The following TANGO6 variants were observed in gnomAD, a reference collection of about 807,000 sequenced individuals.
TANGO6 encodes transport and Golgi organization protein 6 homolog.
A neutral mutation model predicts 114.2 loss-of-function variants in TANGO6; 90 were observed. That is an observed-to-expected ratio of 0.79 (90% confidence interval 0.66 to 0.94). The LOEUF is 0.94. TANGO6 is among the 40% of genes least tolerant of loss of function. TANGO6 has a pLI of 0.00. For missense variants in TANGO6, 1,274 were observed against 1,315.3 expected (o/e 0.97, Z 0.49); for synonymous variants, 477 against 509.8 (o/e 0.94, Z 0.87).
At chr16:68,891,035 G>C (rs1326869286) in intron 7 of TANGO6, among the ~76,000 whole-genome samples, 1 of 131,618 alleles carries the variant, frequency 7.6e-6, no homozygotes, top group Non-Finnish European at 1.6e-5. Context: ...AAAAAAAAAA[G>C]AAAAAAAAGA....
In TANGO6 at chr16:68,974,088, A is replaced by G. The variant is rs768203214; in HGVS notation, c.2762A>G (p.Tyr921Cys). The change falls in exon 15 of 18, where the codon TAT becomes TGT. Residue 921 changes from tyrosine to cysteine, a missense_variant. By Grantham distance (194) the Tyr-to-Cys change is radical. Coordinates refer to ENST00000261778, the MANE Select transcript of TANGO6 (RefSeq NM_024562.2). ...ATCTTGCCGGACTTGTTGGCTCAATATGACAGCAGCAAAGACAAGCACACA... is the reference window on the plus strand; with the variant it reads ...ATCTTGCCGGACTTGTTGGCTCAATGTGACAGCAGCAAAGACAAGCACACA... Reference protein sequence around the residue: ...EKILPDLLAQYDSSKDKHTPE... With the variant: ...EKILPDLLAQCDSSKDKHTPE... 3.7e-6 allele frequency: 6 copies of G among 1,613,832 alleles called. No homozygotes were observed. Among genetic ancestry groups the G allele is most frequent in the Non-Finnish European group, 5.1e-6 (6 of 1,179,822 alleles).
chr16:69,064,907 C>T (rs1015604078), intron 17 of TANGO6, among the ~76,000 whole-genome samples: 8 of 152,164 alleles, frequency 5.3e-5, no homozygotes, highest in African/African-American at 1.7e-4. Context: ...GTGGTGCCCT[C>T]AGCGGGGTGT....
At chr16:68,883,004 C>T (rs894496539) in intron 7 of TANGO6, among the ~76,000 whole-genome samples, 5 of 151,900 alleles carry the variant, frequency 3.3e-5, no homozygotes, top group Non-Finnish European at 7.4e-5. Context: ...GAAAACAGAG[C>T]GAGACTCTGT....
intron 12 of TANGO6, among the ~76,000 whole-genome samples, chr16:68,926,258 C>G (rs926995226): frequency 5.9e-5 from 9 of 152,136 alleles, no homozygotes; most frequent in Admixed American, 3.3e-4. Context: ...CTTTGGAAGG[C>G]CAAGGTGGGC....
chr16:68,887,203 A>C (rs1962551251), intron 7 of TANGO6, among the ~76,000 whole-genome samples: 2 of 152,146 alleles, frequency 1.3e-5, no homozygotes, highest in South Asian at 4.2e-4. Context: ...CTTTCTTTGG[A>C]GTGTGGGTCT....
chr16:69,051,962 T>C (rs1348047320), intron 17 of TANGO6, among the ~76,000 whole-genome samples: 5 of 149,592 alleles, frequency 3.3e-5, no homozygotes, highest in Non-Finnish European at 7.4e-5. Context: ...TTTTTTTTTT[T>C]AGACACAGTC....
At chr16:68,975,672 C>T (rs1963758876) in intron 15 of TANGO6, among the ~76,000 whole-genome samples, 1 of 151,872 alleles carries the variant, frequency 6.6e-6, no homozygotes, top group Non-Finnish European at 1.5e-5. Flanking sequence ...ATCCTCCCTC[C>T]TCAGCCTCCC....
intron 17 of TANGO6, among the ~76,000 whole-genome samples, chr16:69,065,813 T>C (rs1020711540): frequency 5.9e-5 from 9 of 152,188 alleles, no homozygotes; most frequent in African/African-American, 2.2e-4. Context: ...CAGGTTTGAA[T>C]TGGCCCTAAT....
intron 14 of TANGO6, among the ~76,000 whole-genome samples, chr16:68,944,530 A>G (rs772346412): frequency 6.6e-6 from 1 of 152,076 alleles, no homozygotes; most frequent in Non-Finnish European, 1.5e-5. Context: ...CCCCCTCCAA[A>G]TAAGAGGAGG....
intron 14 of TANGO6, among the ~76,000 whole-genome samples, chr16:68,946,436 C>T (rs775583336): frequency 2.0e-5 from 3 of 152,124 alleles, no homozygotes; most frequent in South Asian, 2.1e-4. Flanking sequence ...CCTCGTGATC[C>T]GCCCACCTCG....
At chr16:68,913,441 C>T (rs1044112203) in intron 11 of TANGO6, among the ~76,000 whole-genome samples, 1 of 138,946 alleles carries the variant, frequency 7.2e-6, no homozygotes, top group Non-Finnish European at 1.5e-5. Context: ...CAGAGTCTCA[C>T]TCTGTCGCCC....
At chr16:68,863,390 CTGAGG>C (rs1962129593) in intron 3 of TANGO6, among the ~76,000 whole-genome samples, 1 of 152,008 alleles carries the variant, frequency 6.6e-6, no homozygotes, top group Non-Finnish European at 1.5e-5. Flanking sequence ...GGCGGATCAC[CTGAGG>C]TCGTGAGTTC....
intron 17 of TANGO6, among the ~76,000 whole-genome samples, chr16:69,063,069 A>C (rs1179077588): frequency 6.6e-6 from 1 of 152,030 alleles, no homozygotes; most frequent in African/African-American, 2.4e-5. Context: ...CTCTACTAAA[A>C]ATACAAAAAT....
chr16:69,045,443 CA>C (rs1389960740), intron 17 of TANGO6, among the ~76,000 whole-genome samples: 113 of 53,994 alleles, frequency 2.1e-3, no homozygotes, highest in Non-Finnish European at 2.4e-3. Flanking sequence ...GACTCCATCT[CA>C]AAAAAAAAAA....
At chr16:68,876,065 A>G (rs1475947031) in intron 5 of TANGO6, among the ~76,000 whole-genome samples, 2 of 152,194 alleles carry the variant, frequency 1.3e-5, no homozygotes, top group Non-Finnish European at 2.9e-5. Flanking sequence ...TATTATGCAT[A>G]TACCATCATA....
At chr16:68,849,263 G>A (rs964452897) in intron 1 of TANGO6, among the ~76,000 whole-genome samples, 1 of 152,190 alleles carries the variant, frequency 6.6e-6, no homozygotes, top group African/African-American at 2.4e-5. Context: ...GAGCCCCTGA[G>A]GCGGAGGTGG....
chr16:69,043,451 C>T (rs1959805111), intron 17 of TANGO6, among the ~76,000 whole-genome samples: 1 of 152,080 alleles, frequency 6.6e-6, no homozygotes, highest in Non-Finnish European at 1.5e-5. Flanking sequence ...AATTTGTGGC[C>T]ATGGAAGATT....
intron 17 of TANGO6, among the ~76,000 whole-genome samples, chr16:69,047,388 G>A (rs535659416): frequency 1.3e-5 from 2 of 151,700 alleles, no homozygotes; most frequent in Admixed American, 6.6e-5. Context: ...CTAGCTCCTC[G>A]GGAGGCTGAG....
chr16:68,928,850 GTT>G (rs1567542346), intron 13 of TANGO6, among the ~76,000 whole-genome samples: 1 of 152,176 alleles, frequency 6.6e-6, no homozygotes. Context: ...TTAGTGGGGC[GTT>G]GGGCAAAACT....
Sources: gnomAD v4.1 joint callset for allele counts (sites outside exome capture counted in the v4.1 genomes callset) on GRCh38, gnomAD v4.1.1 for gene constraint, MANE v1.5 for transcripts, NCBI Gene and HGNC (gene_info 2026-07-23, HGNC 2026-07-21) for gene names.